Variants in GSE1 observed in about 807,000 individuals in gnomAD.
GSE1 encodes Gse1 coiled-coil protein.
Under a neutral mutation model 112.6 loss-of-function variants are expected in GSE1, and 32 were observed. The observed-to-expected ratio is 0.28, with a 90% CI of 0.21 to 0.38. GSE1 has a LOEUF of 0.38. GSE1 is among the 10% of genes least tolerant of loss of function. GSE1 has a pLI of 1.00. For missense variants in GSE1, 2,348 were observed against 1,699.2 expected (o/e 1.38, Z -6.71); for synonymous variants, 1,115 against 735.6 (o/e 1.52, Z -8.35).
chr16:85,208,906 G>C (rs1356661239), intron 1 of GSE1, among the ~76,000 whole-genome samples: 1 of 147,636 alleles, frequency 6.8e-6, no homozygotes, highest in East Asian at 2.0e-4. Context: ...CCGTGTGTTG[G>C]GGTTTGCCAC....
In GSE1 at chr16:85,419,270, T is replaced by A. The variant is rs1435910198; in HGVS notation, c.2464+61627T>A. Among the ~76,000 whole-genome samples the A allele has an allele frequency of 1.3e-5, 2 of 152,092 alleles. No individual in the cohort carries two copies. Among genetic ancestry groups the A allele is most frequent in the African/African-American group, 2.4e-5 (1 of 41,400 alleles). Reference sequence around the variant, plus strand: ...AAAAGGTTCACCTCATAGAGGGCGCTAGAGGCCACCTCAGGAGGCAACATT... The same window carrying A: ...AAAAGGTTCACCTCATAGAGGGCGCAAGAGGCCACCTCAGGAGGCAACATT... On this transcript the variant is annotated intron_variant, in intron 2 of 2. Transcript: ENST00000637419. The surrounding 1 kb of genome is among the most constrained non-coding windows in gnomAD (Gnocchi z 6.5).
intron 1 of GSE1, among the ~76,000 whole-genome samples, chr16:85,353,530 A>G (rs1265831779): frequency 6.6e-6 from 1 of 152,164 alleles, no homozygotes; most frequent in Non-Finnish European, 1.5e-5. Context: ...GGAGAGTTCA[A>G]CTTTAAAAAA....
chr16:85,604,964 C>G (rs993197317), intron 1 of GSE1, among the ~76,000 whole-genome samples: 8 of 143,184 alleles, frequency 5.6e-5, no homozygotes, highest in African/African-American at 2.1e-4. Context: ...ACTACAGGCG[C>G]CCTCCACCAC....
chr16:85,444,741 T>TGGAGGTCACAG lies in GSE1; in HGVS notation c.2464+87099_2464+87100insGAGGTCACAGG, dbSNP rs1341318674. Among the ~76,000 whole-genome samples, 17 of 152,248 alleles carry TGGAGGTCACAG rather than the reference T, an allele frequency of 1.1e-4. No individual in the cohort carries two copies. The South Asian group carries it at 3.5e-3, about 32-fold the overall frequency. ...AGAAAAGCTGCCTCCTGTGACCCAC[T>TGGAGGTCACAG]GAACCAGCATCCAGCACAGGCCTGA... On this transcript the variant is annotated intron_variant, in intron 2 of 2. Transcript: ENST00000637419.
exon 1 of GSE1, chr16:85,171,387 C>T (rs1231030267): frequency 3.0e-6 from 3 of 985,560 alleles, no homozygotes; most frequent in Non-Finnish European, 3.6e-6. Flanking sequence ...AGAAGGAGCC[C>T]TTCTTCCCCT....
At chr16:85,620,032 A>C (rs990233217) in intron 1 of GSE1, among the ~76,000 whole-genome samples, 1 of 152,120 alleles carries the variant, frequency 6.6e-6, no homozygotes, top group African/African-American at 2.4e-5. Context: ...GCGGTGGCTC[A>C]AGCCTGTAAT....
chr16:85,358,663 C>G (rs1378137575), intron 2 of GSE1, among the ~76,000 whole-genome samples: 1 of 152,196 alleles, frequency 6.6e-6, no homozygotes, highest in Non-Finnish European at 1.5e-5. Context: ...ATACCGACCT[C>G]TTTCTCTTTG....
chr16:85,478,722 C>A (rs1165178308), intron 2 of GSE1, among the ~76,000 whole-genome samples: 1 of 151,276 alleles, frequency 6.6e-6, no homozygotes, highest in Admixed American at 6.6e-5. Flanking sequence ...GGCTGGAGTG[C>A]AGTGGCTCCA....
intron 2 of GSE1, among the ~76,000 whole-genome samples, chr16:85,398,360 G>T (rs1286007874): frequency 2.0e-5 from 3 of 152,160 alleles, no homozygotes; most frequent in African/African-American, 7.2e-5. Context: ...GCAGGCAAGA[G>T]CCCAGTCCCT....
chr16:85,402,148 G>A (rs1353470625), intron 2 of GSE1, among the ~76,000 whole-genome samples: 2 of 152,204 alleles, frequency 1.3e-5, no homozygotes, highest in African/African-American at 2.4e-5. Context: ...CGCAGCTTAC[G>A]GCACACTCTG....
In GSE1 at chr16:85,656,712, G is replaced by A. The variant is rs747318020; in HGVS notation, c.1312+47G>A. 1.5e-4 allele frequency: 224 copies of A among 1,447,696 alleles called. 1 individual carries two copies. The highest frequency in any genetic ancestry group is 2.0e-4 in the Non-Finnish European group (216 of 1,104,690). 89.7% of individuals were successfully genotyped at this position (1,447,696 alleles called of 1,614,324 possible). A position where few individuals can be genotyped will look rare whatever the true frequency, so the allele number is the denominator to read the frequency against. On this transcript the variant is annotated intron_variant, in intron 7 of 15. Transcript: ENST00000253458. ...GTGCTGGGCAAGGTCTCAGCCACCCGCGGGGAGGAGCCCTGAATCGCAGCA... is the reference window on the plus strand; with the variant it reads ...GTGCTGGGCAAGGTCTCAGCCACCCACGGGGAGGAGCCCTGAATCGCAGCA...
chr16:85,173,765 G>T (rs1019151663), intron 1 of GSE1, among the ~76,000 whole-genome samples: 1 of 152,224 alleles, frequency 6.6e-6, no homozygotes, highest in Non-Finnish European at 1.5e-5. Flanking sequence ...AGAAGCCGCC[G>T]TTTCCCAGGC....
At chr16:85,568,043 G>A (rs1315090686) in intron 1 of GSE1, among the ~76,000 whole-genome samples, 1 of 152,154 alleles carries the variant, frequency 6.6e-6, no homozygotes, top group African/African-American at 2.4e-5. Flanking sequence ...ACCTCTTAAT[G>A]GGGGAATGGT....
rs760086792 is a variant in GSE1, at chr16:85,654,408, C to G, written c.557C>G (p.Ser186Cys). ...LLSTPYPFGL[S>C]PSSVVQDSRF... ...AGCACCCCCTACCCCTTCGGCCTCT[C>G]CCCCAGCTCAGTTGTGCAGGATTCC... Residue 186 changes from serine to cysteine, a missense_variant, in exon 4 of 16, where the codon TCC becomes TGC. Coordinates refer to ENST00000253458, the MANE Select transcript of GSE1 (RefSeq NM_014615.5). The G allele has an allele frequency of 6.3e-7, 1 of 1,593,852 alleles. No homozygotes were observed. The highest frequency in any genetic ancestry group is 8.5e-7 in the Non-Finnish European group (1 of 1,169,940).
At chr16:85,585,650 GC>G (rs2046658180) in intron 1 of GSE1, among the ~76,000 whole-genome samples, 1 of 152,212 alleles carries the variant, frequency 6.6e-6, no homozygotes. Context: ...GGCCCAAGGG[GC>G]CCATCCTGGT....
intron 2 of GSE1, among the ~76,000 whole-genome samples, chr16:85,400,666 TG>T (rs2048086189): frequency 2.0e-5 from 3 of 151,680 alleles, no homozygotes; most frequent in Admixed American, 2.0e-4. Context: ...CTGTGTATGT[TG>T]CGTGTGTCTC....
chr16:85,389,030 T>TG (rs2047771308), intron 2 of GSE1, among the ~76,000 whole-genome samples: 1 of 152,094 alleles, frequency 6.6e-6, no homozygotes, highest in African/African-American at 2.4e-5. Context: ...CTCTGAACCA[T>TG]GGAATGGCCC....
chr16:85,363,084 G>C (rs1249150341), intron 2 of GSE1, among the ~76,000 whole-genome samples: 1 of 152,138 alleles, frequency 6.6e-6, no homozygotes. Context: ...AAATCCACCT[G>C]CCTTGGCCTC....
chr16:85,448,354 C>T (rs2049571927), intron 2 of GSE1, among the ~76,000 whole-genome samples: 1 of 152,140 alleles, frequency 6.6e-6, no homozygotes, highest in African/African-American at 2.4e-5. Context: ...GGTGCAAGAC[C>T]CTGTGCTCTT....
Sources: gnomAD v4.1 joint callset for allele counts (sites outside exome capture counted in the v4.1 genomes callset) on GRCh38, gnomAD v4.1.1 for gene constraint, Gnocchi (gnomAD v3.1) non-coding constraint, MANE v1.5 for transcripts, NCBI Gene and HGNC (gene_info 2026-07-23, HGNC 2026-07-21) for gene names.